GYPE: variants seen among roughly 807,000 people sequenced by gnomAD.
The protein encoded by GYPE is glycophorin E (MNS blood group).
GYPE carries 8 observed loss-of-function variants against 11.6 expected under a neutral mutation model. The ratio of observed to expected loss-of-function variants is 0.69; its 90% CI spans 0.41 to 1.25. The LOEUF (loss-of-function observed/expected upper bound fraction) is 1.25, where lower values mean the gene tolerates loss of function less well. GYPE is among the 50% of genes most tolerant of loss of function. The pLI is 0.01. For synonymous variants in GYPE, 28 were observed against 29.6 expected (o/e 0.94, Z 0.18); for missense variants, 90 against 92.8 (o/e 0.97, Z 0.12).
chr4:143,904,218 GC>G (rs1450055647), intron 1 of GYPE, among the ~76,000 whole-genome samples: 2 of 151,848 alleles, frequency 1.3e-5, no homozygotes, highest in African/African-American at 2.4e-5. Context: ...GATAGCTACT[GC>G]TTATTTTAAT....
intron 1 of GYPE, among the ~76,000 whole-genome samples, chr4:143,896,555 G>A (rs1744647847): frequency 6.6e-6 from 1 of 152,148 alleles, no homozygotes; most frequent in Non-Finnish European, 1.5e-5. Flanking sequence ...TTACATTGTT[G>A]GTGGGACTGT....
chr4:143,893,600 A>G (rs772725376), intron 1 of GYPE, among the ~76,000 whole-genome samples: 1 of 152,078 alleles, frequency 6.6e-6, no homozygotes, highest in South Asian at 2.1e-4. Flanking sequence ...GAAATTCTGG[A>G]TTGAAAATTC....
intron 1 of GYPE, among the ~76,000 whole-genome samples, chr4:143,896,796 GCA>G: frequency 6.6e-6 from 1 of 152,264 alleles, no homozygotes; most frequent in Middle Eastern, 3.4e-3. Flanking sequence ...AGAAAATGTG[GCA>G]CATATACACC....
chr4:143,873,509 A>G (rs767147776), intron 3 of GYPE: 42 of 454,568 alleles, frequency 9.2e-5, no homozygotes, highest in South Asian at 5.6e-4. Context: ...AAGGGTCAAG[A>G]ACAATCTATG....
At chr4:143,905,432 C>A in intron 1 of GYPE, 39 bp downstream of exon 1, 1 of 1,612,140 alleles carries the variant, frequency 6.2e-7, no homozygotes, top group African/African-American at 1.3e-5. Flanking sequence ...TGATCTCATA[C>A]CCAATATAAC....
At chr4:143,897,981 T>C (rs1271887844) in intron 1 of GYPE, among the ~76,000 whole-genome samples, 1 of 152,090 alleles carries the variant, frequency 6.6e-6, no homozygotes, top group Admixed American at 6.5e-5. Flanking sequence ...AAATATGAAA[T>C]AGGATAACAG....
At chr4:143,893,363 C>T (rs10010554) in intron 1 of GYPE, among the ~76,000 whole-genome samples, 12 of 132,306 alleles carry the variant, frequency 9.1e-5, no homozygotes, top group African/African-American at 3.0e-4. Context: ...ATGATGTTAG[C>T]TGGTGATTTT....
chr4:143,896,940 A>C (rs556653021), intron 1 of GYPE, among the ~76,000 whole-genome samples: 1 of 149,942 alleles, frequency 6.7e-6, no homozygotes, highest in Non-Finnish European at 1.5e-5. Flanking sequence ...TCTCACTCAT[A>C]GATGGGAACT....
At chr4:143,892,814 T>A (rs1744463515) in intron 1 of GYPE, among the ~76,000 whole-genome samples, 1 of 148,510 alleles carries the variant, frequency 6.7e-6, no homozygotes, top group Non-Finnish European at 1.5e-5. Context: ...GTTCTGTAGA[T>A]GTCTATTAGG....
At chr4:143,875,299 C>G (rs1244082510) in intron 3 of GYPE, 1 of 646,860 alleles carries the variant, frequency 1.5e-6, no homozygotes, top group Non-Finnish European at 2.7e-6. Flanking sequence ...CAAATCATGA[C>G]TATACTACAT....
rs573458834 is a variant in GYPE at position 143,875,600 on chromosome 4, C to A, written c.*9+1146G>T. 4.3e-4 allele frequency: 658 copies of A among 1,537,330 alleles called. 5 individuals carry two copies. The Middle Eastern group carries it at 0.017, about 40-fold the overall frequency. On this transcript the variant is annotated intron_variant, in intron 3 of 3. Transcript: ENST00000358615. ...AGCCTCTGATTGGTCACAGGCCAAT[C>A]CTTCATAGGGTGTAGCCAATTGGAG... is the stretch of plus-strand genomic sequence containing the variant.
rs1744802317 is a variant in GYPE at position 143,900,062 on chromosome 4, A to G, written c.37+5409T>C. Reference sequence around the variant, plus strand: ...AATAGTATATCGGATAAGACTCTTTATCCAGAACATAGAAAGAACTCTTAC... The same window carrying G: ...AATAGTATATCGGATAAGACTCTTTGTCCAGAACATAGAAAGAACTCTTAC... On this transcript the variant is annotated intron_variant, in intron 1 of 3. Transcript: ENST00000358615. Among the ~76,000 whole-genome samples, 4 of 150,004 alleles carry G rather than the reference A, an allele frequency of 2.7e-5. No homozygotes were observed. In the South Asian group the frequency reaches 8.6e-4, roughly 32 times the overall value.
chr4:143,899,094 C>T (rs1744769841), intron 1 of GYPE, among the ~76,000 whole-genome samples: 1 of 147,120 alleles, frequency 6.8e-6, no homozygotes, highest in African/African-American at 2.5e-5. Flanking sequence ...AAAAGGCTAA[C>T]ATAACAGCCA....
rs1158858428 is a variant in GYPE, at chr4:143,905,484, T to A, written c.24A>T (p.Val8=). 1 of 1,613,180 alleles carries A rather than the reference T, an allele frequency of 6.2e-7. No homozygotes were observed. ...AAAATCACTTACCTGACAATAGTAA[T>A]ACAAAGATTATTTTTCCATACATCC... MYGKIIF[V]LLLSGIVSIS... Residue 8 remains valine (V), a synonymous_variant, in exon 1 of 4, where the codon GTA becomes GTT. Transcript: ENST00000358615.
intron 3 of GYPE, among the ~76,000 whole-genome samples, chr4:143,875,683 A>T (rs1743771408): frequency 6.6e-6 from 1 of 152,098 alleles, no homozygotes; most frequent in South Asian, 2.1e-4. Flanking sequence ...AAAAACCCTA[A>T]TTGGGGCCAG....
rs187909192 is a variant in GYPE at position 143,898,349 on chromosome 4, C to T, written c.37+7122G>A. Among the ~76,000 whole-genome samples the T allele has an allele frequency of 5.3e-5, 8 of 152,240 alleles. No individual in the cohort carries two copies. In the East Asian group the frequency reaches 1.5e-3, roughly 29 times the overall value. ...CTGAGATCGTGCCACTGCACTCCAG[C>T]CTGGGCGACAGAACGAGACTCCATC... On this transcript the variant is annotated intron_variant, in intron 1 of 3. Transcript: ENST00000358615.
At chr4:143,883,422 G>T (rs1250535977) in intron 1 of GYPE, among the ~76,000 whole-genome samples, 1 of 149,492 alleles carries the variant, frequency 6.7e-6, no homozygotes, top group African/African-American at 2.5e-5. Context: ...AGAAGAAATG[G>T]GTTTTCAGAT....
intron 3 of GYPE, chr4:143,873,231 A>T (rs1743677229): frequency 3.4e-6 from 1 of 292,888 alleles, no homozygotes; most frequent in African/African-American, 2.2e-5. Context: ...ACATTAAAAT[A>T]TACAGCATTT....
chr4:143,875,724 C>T (rs950173073), intron 3 of GYPE, among the ~76,000 whole-genome samples: 1 of 152,076 alleles, frequency 6.6e-6, no homozygotes, highest in South Asian at 2.1e-4. Context: ...AATCCCAGCA[C>T]TTTGGAGGCC....
Sources: gnomAD v4.1 joint callset for allele counts (sites outside exome capture counted in the v4.1 genomes callset) on GRCh38, gnomAD v4.1.1 for gene constraint, MANE v1.5 for transcripts, NCBI Gene and HGNC (gene_info 2026-07-23, HGNC 2026-07-21) for gene names.